The following PAM variants were observed in gnomAD, a reference collection of about 807,000 sequenced individuals.
PAM encodes the protein peptidylglycine alpha-amidating monooxygenase.
A neutral mutation model predicts 122.1 loss-of-function variants in PAM; 72 were observed. The observed-to-expected ratio is 0.59, with a 90% CI of 0.49 to 0.72. The LOEUF is 0.72. PAM is among the 30% of genes least tolerant of loss of function. The pLI, the probability that PAM is intolerant of heterozygous loss-of-function variation, is 0.00. For missense variants in PAM, 1,106 were observed against 1,183.7 expected, an observed-to-expected ratio of 0.93 and a Z score of 0.96; for synonymous variants, 389 against 404.4, an observed-to-expected ratio of 0.96 and a Z score of 0.46.
intron 18 of PAM, among the ~76,000 whole-genome samples, chr5:103,006,540 G>A (rs1384843936): frequency 6.6e-6 from 1 of 152,164 alleles, no homozygotes; most frequent in Admixed American, 6.6e-5. Context: ...GGGTATCCAT[G>A]TACTAGTCTC....
At chr5:102,865,395 CTT>C (rs1243236835) in intron 1 of PAM, 1 of 152,276 alleles carries the variant, frequency 6.6e-6, no homozygotes, top group African/African-American at 2.4e-5. Flanking sequence ...CTTTGCCTCT[CTT>C]CGTTTTTTGT....
At chr5:102,963,936 A>T (rs767838443) in intron 14 of PAM, among the ~76,000 whole-genome samples, 4 of 151,044 alleles carry the variant, frequency 2.6e-5, no homozygotes, top group Non-Finnish European at 5.9e-5. Flanking sequence ...AGGTAGAAAG[A>T]TATAAGTCAA....
At chr5:102,758,088 T>TG (rs1561362721) in intron 1 of PAM, among the ~76,000 whole-genome samples, 5 of 56,874 alleles carry the variant, frequency 8.8e-5, no homozygotes, top group Admixed American at 1.8e-4. Context: ...TTTTTTTTTT[T>TG]TTTTTTTTTT....
At chr5:102,864,378 C>A (rs1180590416) in intron 1 of PAM, among the ~76,000 whole-genome samples, 1 of 151,794 alleles carries the variant, frequency 6.6e-6, no homozygotes, top group Non-Finnish European at 1.5e-5. Flanking sequence ...AAACAGCAAG[C>A]CAAAGAGAAA....
At chr5:103,030,547 C>G (rs934693266), downstream of PAM, 4 of 152,172 alleles carry the variant, frequency 2.6e-5, no homozygotes, top group Non-Finnish European at 4.4e-5. Context: ...CATTACAATC[C>G]TGTCCTAGCA....
In PAM at chr5:103,022,760, A is replaced by C. The variant is rs552371478; in HGVS notation, c.2486-2371A>C. Among the ~76,000 whole-genome samples, 4 of 152,172 alleles carry C rather than the reference A, an allele frequency of 2.6e-5. No homozygotes were observed. In the South Asian group the frequency reaches 8.3e-4, roughly 32 times the overall value. ...TCTTCATTCATCATAGATGCTCCAA[A>C]TTACTGGGATTTTTAATAAAAGAAT... On this transcript the variant is annotated intron_variant, in intron 23 of 25. Transcript: ENST00000438793.
intron 6 of PAM, among the ~76,000 whole-genome samples, chr5:102,925,850 C>G (rs1294053030): frequency 6.6e-6 from 1 of 151,590 alleles, no homozygotes; most frequent in African/African-American, 2.4e-5. Flanking sequence ...CACTAGCAAG[C>G]TTTATTAACA....
Position 103,008,668 on chromosome 5 carries a change from G to A in PAM, c.2215+1011G>A, listed in dbSNP as rs77004876. On this transcript the variant is annotated intron_variant, in intron 20 of 25. Coordinates refer to ENST00000438793, the MANE Select transcript of PAM (RefSeq NM_001177306.2). ...AAATTATTTAGGACATAAAATCAAG[G>A]GACTCAGGTGATTGATAGAGAGCAA... Among the ~76,000 whole-genome samples, 1,194 of 152,080 alleles carry A rather than the reference G, an allele frequency of 7.9e-3. 21 individuals carry two copies. Among genetic ancestry groups the A allele is most frequent in the African/African-American group, 0.026 (1,087 of 41,496 alleles).
At chr5:102,839,536 CAAAAAAAAAAAA>C (rs34092506) in intron 1 of PAM, among the ~76,000 whole-genome samples, 1 of 81,182 alleles carries the variant, frequency 1.2e-5, no homozygotes, top group South Asian at 4.0e-4. Context: ...GGCTCAGTCT[CAAAAAAAAAAAA>C]AAAAAAAAAT....
intron 1 of PAM, among the ~76,000 whole-genome samples, chr5:102,811,286 A>G (rs1260970436): frequency 6.6e-6 from 1 of 152,226 alleles, no homozygotes; most frequent in Non-Finnish European, 1.5e-5. Flanking sequence ...TCAAGGTGTC[A>G]GAAGGGCTAC....
At chr5:102,950,921 C>A in intron 12 of PAM, 101 bp downstream of exon 12, 1 of 707,898 alleles carries the variant, frequency 1.4e-6, no homozygotes, top group Non-Finnish European at 2.4e-6. Flanking sequence ...ATTTTTTGTC[C>A]TGTCATGGAC....
intron 1 of PAM, among the ~76,000 whole-genome samples, chr5:102,765,358 A>G (rs1753589167): frequency 6.6e-6 from 1 of 152,216 alleles, no homozygotes; most frequent in Admixed American, 6.5e-5. Flanking sequence ...TGTGAAGAAA[A>G]AGTGAAATAA....
chr5:102,855,693 T>G (rs1057205786), intron 1 of PAM, among the ~76,000 whole-genome samples: 1 of 152,130 alleles, frequency 6.6e-6, no homozygotes, highest in Non-Finnish European at 1.5e-5. Flanking sequence ...ATAACTAGTA[T>G]GCCTAAGGAT....
intron 4 of PAM, among the ~76,000 whole-genome samples, chr5:102,902,515 G>A (rs935745312): frequency 6.6e-6 from 1 of 151,554 alleles, no homozygotes; most frequent in African/African-American, 2.4e-5. Context: ...AAGTTAGGAA[G>A]CCAAGTTCTT....
chr5:102,955,936 A>G (rs1010403401), intron 12 of PAM, among the ~76,000 whole-genome samples: 4 of 152,088 alleles, frequency 2.6e-5, no homozygotes, highest in African/African-American at 9.7e-5. Flanking sequence ...GCAAACTGTG[A>G]TGCTGATACT....
intron 1 of PAM, among the ~76,000 whole-genome samples, chr5:102,823,665 A>T (rs1561543355): frequency 1.3e-5 from 2 of 152,202 alleles, no homozygotes; most frequent in East Asian, 3.8e-4. Flanking sequence ...CTTTTATTCC[A>T]TGGGCATTTT....
chr5:102,941,774 A>T (rs1331820156), intron 7 of PAM, among the ~76,000 whole-genome samples: 1 of 137,790 alleles, frequency 7.3e-6, no homozygotes, highest in Non-Finnish European at 1.5e-5. Flanking sequence ...TTGGATGACC[A>T]CCATTTTTTT....
At chr5:102,878,426 C>T (rs1008018912) in intron 3 of PAM, among the ~76,000 whole-genome samples, 1 of 152,032 alleles carries the variant, frequency 6.6e-6, no homozygotes, top group Non-Finnish European at 1.5e-5. Context: ...TAATGAACGA[C>T]TATGTTACTG....
intron 1 of PAM, among the ~76,000 whole-genome samples, chr5:102,805,122 G>A (rs895139568): frequency 7.1e-6 from 1 of 141,792 alleles, no homozygotes; most frequent in African/African-American, 2.7e-5. Flanking sequence ...CCAGGCTGGA[G>A]TGCAGTAGTG....
Sources: allele counts gnomAD v4.1 joint callset (sites outside exome capture counted in the v4.1 genomes callset), GRCh38; gene constraint gnomAD v4.1.1; transcripts MANE v1.5; gene names NCBI Gene and HGNC (gene_info 2026-07-23, HGNC 2026-07-21).